The following MARCHF6 variants were observed in gnomAD, a reference collection of about 807,000 sequenced individuals.
MARCHF6 encodes E3 ubiquitin-protein ligase MARCHF6.
MARCHF6 carries 31 observed loss-of-function variants against 133.7 expected under a neutral mutation model. The ratio of observed to expected loss-of-function variants is 0.23; its 90% CI spans 0.17 to 0.31. The LOEUF (loss-of-function observed/expected upper bound fraction) is 0.31. Among genes scored for constraint, MARCHF6 ranks in the 10% least tolerant of loss-of-function variants. The pLI, the probability that MARCHF6 is intolerant of heterozygous loss-of-function variation, is 1.00. For missense variants in MARCHF6, 723 were observed against 1,121.6 expected (o/e 0.64, Z 5.08); for synonymous variants, 395 against 402.5 (o/e 0.98, Z 0.22).
intron 1 of MARCHF6, chr5:10,354,777 T>G (rs1266879163): frequency 6.6e-6 from 1 of 152,206 alleles, no homozygotes; most frequent in Non-Finnish European, 1.5e-5. Flanking sequence ...GTGCAAATGC[T>G]TTTCTACTTT....
rs1278019599 is a variant in MARCHF6, at chr5:10,425,548, AAAT to A, written c.2374-841_2374-839del. 4.6e-5 allele frequency among the ~76,000 whole-genome samples: 7 copies of A among 152,338 alleles called. No homozygotes were observed. In the Middle Eastern group the frequency reaches 0.014, roughly 296 times the overall value. On this transcript the variant is annotated intron_variant, in intron 23 of 25. Transcript: ENST00000274140. The stretch of plus-strand genomic sequence containing the variant: ...CTGGGATGCCTTGCTTCATTGATTA[AAAT>A]GCATTTGGGTTAACTAGGTGTCTTT...
chr5:10,426,939 A>G (rs1740117394), intron 24 of MARCHF6, among the ~76,000 whole-genome samples: 1 of 152,258 alleles, frequency 6.6e-6, no homozygotes, highest in Non-Finnish European at 1.5e-5. Flanking sequence ...TTATACTGAA[A>G]TACACTGTCT....
chr5:10,385,406 A>C (rs1737405550), intron 4 of MARCHF6, among the ~76,000 whole-genome samples: 1 of 152,238 alleles, frequency 6.6e-6, no homozygotes, highest in Admixed American at 6.5e-5. Context: ...TAAAATTTGG[A>C]AATTTCAAAC....
Position 10,426,462 on chromosome 5 carries a change from G to A in MARCHF6, c.2446G>A (p.Val816Met). ...TAAACTGGCAGCTCCCGTGATCTCT[G>A]TGCTGTTGCTTTCCCTGTGTGTACC... is the stretch of plus-strand genomic sequence containing the variant. ...VRKLAAPVIS[V>M]LLLSLCVPYV... The change falls in exon 24 of 26, where the codon GTG becomes ATG. Residue 816 changes from valine (V) to methionine (M), a missense_variant. By Grantham distance (21) the Val-to-Met change is conservative. This residue lies in a region of MARCHF6 where 492 missense variants were observed against 699.5 expected (regional missense o/e 0.70). Transcript: ENST00000274140. 1 of 1,614,128 alleles carries A rather than the reference G, an allele frequency of 6.2e-7. No individual in the cohort carries two copies. The highest frequency in any genetic ancestry group is 8.5e-7 in the Non-Finnish European group (1 of 1,180,004).
intron 19 of MARCHF6, chr5:10,413,459 G>C (rs1199536963): frequency 6.6e-6 from 1 of 152,214 alleles, no homozygotes; most frequent in Non-Finnish European, 1.5e-5. Flanking sequence ...TGGTAAGCTA[G>C]CAGGCAAGCT....
At chr5:10,426,831 TCATATAAAATTAAGTAA>T (rs1740112888) in intron 24 of MARCHF6, among the ~76,000 whole-genome samples, 1 of 152,220 alleles carries the variant, frequency 6.6e-6, no homozygotes, top group Admixed American at 6.5e-5. Context: ...AGTGCTGTGA[TCATATAAAATTAAGTAA>T]CAGTGTTGTT....
At chr5:10,357,162 A>G (rs562009103) in intron 1 of MARCHF6, among the ~76,000 whole-genome samples, 256 of 151,830 alleles carry the variant, frequency 1.7e-3, no homozygotes, top group Non-Finnish European at 2.8e-3. Context: ...CCTGTAATGC[A>G]CTGAGATTTC....
At chr5:10,419,419 A>G (rs901261179) in intron 22 of MARCHF6, among the ~76,000 whole-genome samples, 1 of 152,198 alleles carries the variant, frequency 6.6e-6, no homozygotes, top group African/African-American at 2.4e-5. Context: ...GGCTGGGCTA[A>G]GCTATGATGT....
Position 10,394,707 on chromosome 5 carries a change from T to C in MARCHF6, c.829-46T>C, listed in dbSNP as rs776124349. ...GCTTTTCATAAATTAGAATAGAAAG[T>C]TCTGTTGCATCTTAAATTAATGCTT... On this transcript the variant is annotated intron_variant, in intron 8 of 25. Coordinates refer to ENST00000274140, the MANE Select transcript of MARCHF6 (RefSeq NM_005885.4). 2.7e-6 allele frequency: 4 copies of C among 1,465,770 alleles called. No homozygotes were observed. In the South Asian group the frequency reaches 4.8e-5, roughly 18 times the overall value. The allele number at this position is 1,465,770 out of a possible 1,614,324, so 90.8% of individuals were successfully genotyped here.
chr5:10,391,449 T>G (rs1446549761), intron 6 of MARCHF6, 93 bp from the exon 7 acceptor site: 28 of 537,668 alleles, frequency 5.2e-5, no homozygotes, highest in African/African-American at 2.3e-4. Context: ...TTTTTTTTTT[T>G]TTTTTTTTTT....
In MARCHF6 at chr5:10,394,087, A is replaced by G. The variant is rs1738036505; in HGVS notation, c.772A>G (p.Met258Val). ...AATTGCAATTATATTTTCAGATGAC[A>G]TGAATTGGAATGCTTTAGAATGGGA... is the stretch of plus-strand genomic sequence containing the variant. ...ADANNGAQDD[M>V]NWNALEWDRA... Residue 258 changes from methionine to valine, a missense_variant, in exon 8 of 26, where the codon ATG (methionine) becomes GTG (valine). By Grantham distance (21) the Met-to-Val change is conservative. Coordinates refer to ENST00000274140, the MANE Select transcript of MARCHF6 (RefSeq NM_005885.4). 2.0e-6 allele frequency: 3 copies of G among 1,536,240 alleles called. No homozygotes were observed. The highest frequency in any genetic ancestry group is 2.8e-5 in the African/African-American group (2 of 72,580).
chr5:10,418,265 AG>A (rs910222289), intron 22 of MARCHF6, among the ~76,000 whole-genome samples: 9 of 151,944 alleles, frequency 5.9e-5, no homozygotes, highest in African/African-American at 1.9e-4. Flanking sequence ...ATGTGGTCCC[AG>A]CTACTCGAGA....
Position 10,391,621 on chromosome 5 carries a change from G to A in MARCHF6, c.656G>A (p.Gly219Glu), listed in dbSNP as rs1303928071. The change falls in exon 7 of 26, where the codon GGG (glycine) becomes GAG (glutamate). Residue 219 changes from glycine to glutamate, a missense_variant. Gly to Glu is a moderately conservative substitution (Grantham distance 98). This residue lies in a region of MARCHF6 where 97 missense variants were observed against 115.4 expected (regional missense o/e 0.84). Transcript: ENST00000274140. ...ANPPAENAVV[G>E]ENPDAQDDQA... ...CCACCAGCTGAGAACGCAGTGGTGG[G>A]GGAAAACCCTGATGCCCAGGATGAC... 1.9e-6 allele frequency: 3 copies of A among 1,612,506 alleles called. No individual in the cohort carries two copies. The highest frequency in any genetic ancestry group is 2.5e-6 in the Non-Finnish European group (3 of 1,179,464).
In MARCHF6 at chr5:10,435,382, A is replaced by G. The variant is rs1740557965; in HGVS notation, c.*1698A>G. 1 of 107,088 alleles carries G rather than the reference A, an allele frequency of 9.3e-6. No individual in the cohort carries two copies. Among genetic ancestry groups the G allele is most frequent in the African/African-American group, 3.6e-5 (1 of 28,164 alleles). 6.6% of individuals were successfully genotyped at this position (107,088 alleles called of 1,614,324 possible). A position where few individuals can be genotyped will look rare whatever the true frequency, so the allele number is the denominator to read the frequency against. ...GAGGCCAACCTAGGCAAAATTGGAA[A>G]AAAAAAAAAAAATCAGTATCAGAAA... On this transcript the variant is annotated 3_prime_UTR_variant, in exon 26 of 26. Transcript: ENST00000274140.
intron 1 of MARCHF6, among the ~76,000 whole-genome samples, chr5:10,372,941 A>G (rs1736555071): frequency 6.6e-6 from 1 of 152,054 alleles, no homozygotes; most frequent in South Asian, 2.1e-4. Flanking sequence ...CATGCCTGTA[A>G]TCCTAGTGCT....
chr5:10,363,674 C>T (rs1735957332), intron 1 of MARCHF6, among the ~76,000 whole-genome samples: 1 of 152,118 alleles, frequency 6.6e-6, no homozygotes, highest in African/African-American at 2.4e-5. Context: ...TATGAGTTAG[C>T]AGTATTATTT....
chr5:10,404,229 G>A (rs530495527), intron 15 of MARCHF6, among the ~76,000 whole-genome samples: 1 of 151,828 alleles, frequency 6.6e-6, no homozygotes, highest in Admixed American at 6.6e-5. Flanking sequence ...CACCATGCCC[G>A]GCTAATTTTT....
intron 2 of MARCHF6, among the ~76,000 whole-genome samples, chr5:10,378,492 T>C (rs964722444): frequency 3.3e-5 from 5 of 152,232 alleles, no homozygotes; most frequent in Non-Finnish European, 4.4e-5. Context: ...AGAGATTCTT[T>C]CATGTTCATT....
intron 1 of MARCHF6, among the ~76,000 whole-genome samples, chr5:10,377,005 G>A (rs562539448): frequency 1.3e-5 from 2 of 152,282 alleles, no homozygotes; most frequent in East Asian, 3.9e-4. Flanking sequence ...TATAACCAGG[G>A]TTCCCTAAGT....
Sources: allele counts gnomAD v4.1 joint callset (sites outside exome capture counted in the v4.1 genomes callset), GRCh38; gene constraint gnomAD v4.1.1; regional missense constraint gnomAD v4.1.1; transcripts MANE v1.5; gene names NCBI Gene and HGNC (gene_info 2026-07-23, HGNC 2026-07-21).